Variants in NFIA observed in about 807,000 individuals in gnomAD.
The protein encoded by NFIA is nuclear factor 1 A-type.
In NFIA, 8 loss-of-function variants were observed where a neutral mutation model predicts 62.8. That is an observed-to-expected ratio of 0.13 (90% CI 0.07 to 0.23). The LOEUF is 0.23. Ranked by LOEUF, NFIA falls within the 10% of genes least tolerant of loss-of-function variation. The pLI is 1.00. For missense variants in NFIA, 410 were observed against 642.1 expected (o/e 0.64, Z 3.91); for synonymous variants, 235 against 238.1 (o/e 0.99, Z 0.12).
At chr1:61,400,214 G>A (rs528959516) in intron 7 of NFIA, among the ~76,000 whole-genome samples, 6 of 152,084 alleles carry the variant, frequency 3.9e-5, no homozygotes, top group Non-Finnish European at 7.4e-5. Context: ...GTTTCTTTTC[G>A]TTGTGGCTAC....
intron 2 of NFIA, among the ~76,000 whole-genome samples, chr1:61,177,653 T>TTGTGTGTGTGTGTG (rs56299869): frequency 0.029 from 4,183 of 146,108 alleles, 87 homozygotes; most frequent in Non-Finnish European, 0.043. Context: ...GTTTTCTCTA[T>TTGTGTGTGTGTGTG]TGTGTGTGTG....
At chr1:61,214,604 G>T (rs183297166) in intron 2 of NFIA, among the ~76,000 whole-genome samples, 60 of 152,258 alleles carry the variant, frequency 3.9e-4, no homozygotes, top group Middle Eastern at 3.4e-3. Context: ...CTGAGGCTCT[G>T]AGAATTTAAA....
intron 10 of NFIA, among the ~76,000 whole-genome samples, chr1:61,428,412 A>C (rs190873353): frequency 7.4e-6 from 1 of 135,878 alleles, no homozygotes; most frequent in East Asian, 2.1e-4. Flanking sequence ...GTTTCTGTTA[A>C]ATATTTGGCG....
At chr1:61,129,218 G>A (rs554835132) in intron 2 of NFIA, among the ~76,000 whole-genome samples, 65 of 151,908 alleles carry the variant, frequency 4.3e-4, no homozygotes, top group Middle Eastern at 6.8e-3. Flanking sequence ...CACCGCGCCC[G>A]GCCTACTTAT....
At chr1:61,367,861 TTTGG>T (rs1180980405) in intron 6 of NFIA, among the ~76,000 whole-genome samples, 3 of 43,806 alleles carry the variant, frequency 6.8e-5, no homozygotes, top group Non-Finnish European at 1.8e-4. Context: ...CAGAAAACTG[TTTGG>T]ATTCCTGAAG....
At chr1:61,189,613 C>T (rs769998289) in intron 2 of NFIA, among the ~76,000 whole-genome samples, 11 of 151,968 alleles carry the variant, frequency 7.2e-5, no homozygotes, top group Non-Finnish European at 1.5e-4. Flanking sequence ...TGCAGTGAGC[C>T]GAGATCGGGC....
chr1:61,125,991 A>G (rs955436970), intron 2 of NFIA, among the ~76,000 whole-genome samples: 4 of 152,156 alleles, frequency 2.6e-5, no homozygotes, highest in African/African-American at 9.7e-5. Context: ...AGTATCTGCA[A>G]GATACTAGAG....
At chr1:61,313,103 G>A (rs1660199873) in intron 3 of NFIA, among the ~76,000 whole-genome samples, 1 of 152,184 alleles carries the variant, frequency 6.6e-6, no homozygotes, top group Admixed American at 6.5e-5. Context: ...AGAAGTAGAG[G>A]GGAAGTGTGT....
chr1:61,190,300 C>T (rs931713580), intron 2 of NFIA, among the ~76,000 whole-genome samples: 3 of 152,092 alleles, frequency 2.0e-5, no homozygotes, highest in East Asian at 1.9e-4. Context: ...TAATTCTTTC[C>T]GCAGCAGCAC....
rs1275195855 is a variant in NFIA at position 61,458,575 on chromosome 1, G to A, written c.*3255G>A. On this transcript the variant is annotated 3_prime_UTR_variant, in exon 11 of 11. Transcript: ENST00000403491. ...ATGAGGAAAAATTTCTGTCAAATTAGCCTAGTAAAATTTCTGATCGTTCAT... is the reference window on the plus strand; with the variant it reads ...ATGAGGAAAAATTTCTGTCAAATTAACCTAGTAAAATTTCTGATCGTTCAT... The A allele has an allele frequency of 6.6e-6, 1 of 152,010 alleles. No individual in the cohort carries two copies. Among genetic ancestry groups the A allele is most frequent in the Non-Finnish European group, 1.5e-5 (1 of 67,994 alleles). The allele number at this position is 152,010 out of a possible 1,614,324, so 9.4% of individuals were successfully genotyped here.
At chr1:61,339,258 A>C (rs1661775712) in intron 4 of NFIA, among the ~76,000 whole-genome samples, 2 of 152,300 alleles carry the variant, frequency 1.3e-5, no homozygotes, top group African/African-American at 4.8e-5. Flanking sequence ...AGTCAATGGC[A>C]CCTCTTCTAG....
chr1:61,167,281 C>T (rs911500122), intron 2 of NFIA, among the ~76,000 whole-genome samples: 1 of 152,094 alleles, frequency 6.6e-6, no homozygotes, highest in South Asian at 2.1e-4. Context: ...CATGTATGAT[C>T]GTGTACTGAT....
At chr1:61,422,678 G>A (rs544171968) in intron 9 of NFIA, among the ~76,000 whole-genome samples, 1 of 151,170 alleles carries the variant, frequency 6.6e-6, no homozygotes, top group African/African-American at 2.4e-5. Context: ...AGGCCGAGGC[G>A]AGAGGATTGC....
intron 3 of NFIA, among the ~76,000 whole-genome samples, chr1:61,278,169 T>C (rs536065955): frequency 6.6e-6 from 1 of 152,376 alleles, no homozygotes; most frequent in South Asian, 2.1e-4. Context: ...AAATTTTCTG[T>C]TGCAGATGCT....
At chr1:61,341,864 T>C (rs1661937941) in intron 4 of NFIA, among the ~76,000 whole-genome samples, 1 of 152,234 alleles carries the variant, frequency 6.6e-6, no homozygotes, top group African/African-American at 2.4e-5. Context: ...GTAGTAACAC[T>C]GAAAAACTAG....
chr1:61,357,824 C>T (rs1250072174), intron 5 of NFIA, among the ~76,000 whole-genome samples: 1 of 152,114 alleles, frequency 6.6e-6, no homozygotes, highest in Non-Finnish European at 1.5e-5. Context: ...GAAGAGATTT[C>T]CCAACACGCA....
rs572131734 is a variant in NFIA, at chr1:61,257,116, A to C, written c.560-20404A>C. On this transcript the variant is annotated intron_variant, in intron 2 of 10. Coordinates refer to ENST00000403491, the MANE Select transcript of NFIA (RefSeq NM_001134673.4). The stretch of plus-strand genomic sequence containing the variant: ...TATGTTTTTCAAGATCGGTTCCTCT[A>C]TTCAGCCAGAGGAAAACCCAATATC... 9.2e-5 allele frequency among the ~76,000 whole-genome samples: 14 copies of C among 152,082 alleles called. 1 individual carries two copies. The South Asian group carries it at 2.9e-3, about 32-fold the overall frequency.
chr1:61,411,767 T>C (rs1569808956), intron 9 of NFIA, among the ~76,000 whole-genome samples: 1 of 151,660 alleles, frequency 6.6e-6, no homozygotes, highest in East Asian at 2.0e-4. Flanking sequence ...AGAGGAGGGC[T>C]ACTTGCGAAG....
chr1:61,082,701 T>G lies in NFIA; in HGVS notation c.-91T>G. The G allele has an allele frequency of 6.5e-7, 1 of 1,543,654 alleles. No individual in the cohort carries two copies. Among genetic ancestry groups the G allele is most frequent in the Non-Finnish European group, 8.8e-7 (1 of 1,142,410 alleles). ...CTCTCTCTCTCTCTCTCTCTCTTCC[T>G]CTCTCCCTCTTTCTCCTCTCTCACC... On this transcript the variant is annotated 5_prime_UTR_variant, in exon 1 of 11. Coordinates refer to ENST00000403491, the MANE Select transcript of NFIA (RefSeq NM_001134673.4).
Sources: gnomAD v4.1 joint callset for allele counts (sites outside exome capture counted in the v4.1 genomes callset) on GRCh38, gnomAD v4.1.1 for gene constraint, MANE v1.5 for transcripts, NCBI Gene and HGNC (gene_info 2026-07-23, HGNC 2026-07-21) for gene names.